Variants in TMED5 observed in about 807,000 individuals in gnomAD.
The protein encoded by TMED5 is transmembrane p24 trafficking protein 5.
TMED5 carries 27 observed loss-of-function variants against 23.0 expected under a neutral mutation model. That is an observed-to-expected ratio of 1.17 (90% confidence interval 0.86 to 1.62). The LOEUF is 1.62. Among genes scored for constraint, TMED5 ranks in the 40% most tolerant of loss-of-function variants. The pLI is 0.00. For synonymous variants in TMED5, 97 were observed against 100.8 expected (o/e 0.96, Z 0.23); for missense variants, 248 against 273.7 (o/e 0.91, Z 0.66).
intron 1 of TMED5, among the ~76,000 whole-genome samples, chr1:93,175,020 T>C (rs1333591528): frequency 6.7e-6 from 1 of 148,356 alleles, no homozygotes; most frequent in Non-Finnish European, 1.5e-5. Context: ...ATGGGATTGC[T>C]GGAGACCCTA....
At chr1:93,163,029 TG>T (rs1267001920) in intron 1 of TMED5, 24 of 152,210 alleles carry the variant, frequency 1.6e-4, no homozygotes, top group African/African-American at 4.1e-4. Flanking sequence ...TGAAAGTGCC[TG>T]TGAGTAGTCA....
chr1:93,170,346 G>T (rs892058611), intron 1 of TMED5, among the ~76,000 whole-genome samples: 1 of 152,328 alleles, frequency 6.6e-6, no homozygotes, highest in East Asian at 1.9e-4. Flanking sequence ...TGGGCTCCGC[G>T]GCCCCGCACT....
intron 1 of TMED5, among the ~76,000 whole-genome samples, chr1:93,163,813 TA>T (rs112859271): frequency 0.011 from 1,578 of 141,404 alleles, 13 homozygotes; most frequent in Non-Finnish European, 0.013. Context: ...CTGTCTCTAA[TA>T]AAAAAAAAAA....
At chr1:93,167,856 T>G (rs535932369) in intron 1 of TMED5, among the ~76,000 whole-genome samples, 34 of 152,316 alleles carry the variant, frequency 2.2e-4, no homozygotes, top group African/African-American at 7.7e-4. Context: ...AGGCTATCAG[T>G]TTTTCCCCAT....
rs1294517001 is a variant in TMED5, at chr1:93,160,122, T to G, written c.287+7A>C. On this transcript the variant is annotated splice_region_variant and intron_variant, in intron 2 of 3. Transcript: ENST00000370282. The stretch of plus-strand genomic sequence containing the variant: ...GCAATGAAACTCAACTAAAAGAGAT[T>G]ACTTACGTGTGAACTCCATCTGATT... The G allele has an allele frequency of 1.9e-6, 3 of 1,586,918 alleles. No individual in the cohort carries two copies. In the East Asian group the frequency reaches 6.7e-5, roughly 35 times the overall value.
At chr1:93,179,737 G>T (rs949992864) in intron 1 of TMED5, among the ~76,000 whole-genome samples, 5 of 152,162 alleles carry the variant, frequency 3.3e-5, no homozygotes, top group Non-Finnish European at 1.5e-5. Flanking sequence ...AGCGTGTAGT[G>T]GCTAAGAAAA....
chr1:93,169,731 CATTA>C (rs1648639893), intron 1 of TMED5, among the ~76,000 whole-genome samples: 1 of 152,026 alleles, frequency 6.6e-6, no homozygotes, highest in African/African-American at 2.4e-5. Context: ...GCTGGGTCAT[CATTA>C]ATTATCTATG....
At chr1:93,175,962 G>C (rs1026555679) in intron 1 of TMED5, among the ~76,000 whole-genome samples, 7 of 152,106 alleles carry the variant, frequency 4.6e-5, no homozygotes, top group Non-Finnish European at 1.0e-4. Flanking sequence ...AATATATAGT[G>C]GGGAGCAGGT....
chr1:93,178,120 T>C (rs2783495), intron 1 of TMED5, among the ~76,000 whole-genome samples: 14,478 of 152,228 alleles, frequency 0.095, 953 homozygotes, highest in East Asian at 0.28. Context: ...AAATCTTAAA[T>C]GGACTTGTAC....
rs1557584115 is a variant in TMED5 at position 93,180,285 on chromosome 1, G to A, written c.-43C>T. 1 of 1,557,236 alleles carries A rather than the reference G, an allele frequency of 6.4e-7. No homozygotes were observed. The highest frequency in any genetic ancestry group is 1.4e-5 in the African/African-American group (1 of 72,086). On this transcript the variant is annotated 5_prime_UTR_variant, in exon 1 of 4. Transcript: ENST00000370282. ...CGGGCTGAAAGAGGCGTCAGGTACT[G>A]TTGTCTCCGCTCCGCGTTTCCTCTC...
At chr1:93,176,949 T>C (rs1057314693) in intron 1 of TMED5, among the ~76,000 whole-genome samples, 1 of 152,212 alleles carries the variant, frequency 6.6e-6, no homozygotes, top group African/African-American at 2.4e-5. Context: ...GATACATGAA[T>C]TGGCATTAAA....
Position 93,177,416 on chromosome 1 carries a change from A to G in TMED5, c.189+2638T>C, listed in dbSNP as rs187844214. Among the ~76,000 whole-genome samples the G allele has an allele frequency of 3.4e-4, 52 of 152,060 alleles. No homozygotes were observed. The East Asian group carries it at 9.3e-3, about 27-fold the overall frequency. On this transcript the variant is annotated intron_variant, in intron 1 of 3. Coordinates refer to ENST00000370282, the MANE Select transcript of TMED5 (RefSeq NM_016040.5). ...AACATAGTGAAACCCCGTCTCTACT[A>G]AAAATACAAAAATTAGCTGGGTGTG...
intron 1 of TMED5, among the ~76,000 whole-genome samples, chr1:93,174,760 T>C (rs561947783): frequency 5.9e-5 from 9 of 152,266 alleles, no homozygotes; most frequent in African/African-American, 2.2e-4. Flanking sequence ...TCTGTTTCTG[T>C]GTTAGTTTGC....
chr1:93,175,340 C>CACAT (rs1221432778), intron 1 of TMED5, among the ~76,000 whole-genome samples: 1 of 143,216 alleles, frequency 7.0e-6, no homozygotes, highest in Admixed American at 7.0e-5. Context: ...CACACACACA[C>CACAT]ATATATGGCT....
chr1:93,155,493 TCTTTCTTAGTCCTCACA>T (rs1009707556), intron 3 of TMED5, among the ~76,000 whole-genome samples: 1 of 151,900 alleles, frequency 6.6e-6, no homozygotes, highest in African/African-American at 2.4e-5. Context: ...GTACATTATC[TCTTTCTTAGTCCTCACA>T]CAACCAAAGG....
chr1:93,155,981 C>G (rs904923067), intron 3 of TMED5: 27 of 888,650 alleles, frequency 3.0e-5, no homozygotes, highest in Non-Finnish European at 4.0e-5. Flanking sequence ...TAATCAGAAG[C>G]ATAATCTATT....
intron 1 of TMED5, chr1:93,162,816 A>C (rs1648329707): frequency 6.6e-6 from 1 of 152,240 alleles, no homozygotes; most frequent in Admixed American, 6.5e-5. Context: ...GATTAGCATC[A>C]GAATTCTTAC....
rs201008342 is a variant in TMED5, at chr1:93,175,175, T to TTATATATATATATATATA, written c.189+4861_189+4878dup. On this transcript the variant is annotated intron_variant, in intron 1 of 3. Transcript: ENST00000370282. ...TATTTATATAATACTTAAAAGCCAT[T>TTATATATATATATATATA]TATATATATATATATATATATATAT... 4.6e-3 allele frequency among the ~76,000 whole-genome samples: 548 copies of TTATATATATATATATATA among 119,754 alleles called. 16 individuals are homozygous for TTATATATATATATATATA. The highest frequency in any genetic ancestry group is 0.019 in the African/African-American group (473 of 24,868). 78.6% of individuals were successfully genotyped at this position (119,754 alleles called of 152,430 possible). A position where few individuals can be genotyped will look rare whatever the true frequency, so the allele number is the denominator to read the frequency against.
At chr1:93,155,985 A>C in intron 3 of TMED5, 1 of 925,774 alleles carries the variant, frequency 1.1e-6, no homozygotes, top group Non-Finnish European at 1.6e-6. Context: ...CAGAAGCATA[A>C]TCTATTTATA....
Sources: allele counts gnomAD v4.1 joint callset (sites outside exome capture counted in the v4.1 genomes callset), GRCh38; gene constraint gnomAD v4.1.1; transcripts MANE v1.5; gene names NCBI Gene and HGNC (gene_info 2026-07-23, HGNC 2026-07-21).